WASL: variants seen among roughly 807,000 people sequenced by gnomAD.
WASL encodes actin nucleation-promoting factor WASL.
WASL carries 20 observed loss-of-function variants against 55.5 expected under a neutral mutation model. The observed-to-expected ratio is 0.36, with a 90% CI of 0.25 to 0.52. The LOEUF (loss-of-function observed/expected upper bound fraction) is 0.52. WASL is among the 20% of genes least tolerant of loss of function. The pLI is 0.92. For synonymous variants in WASL, 249 were observed against 217.6 expected (o/e 1.14, Z -1.27); for missense variants, 504 against 622.5 (o/e 0.81, Z 2.03).
chr7:123,738,099 AATTGAACAATAAG>A (rs1235564906), intron 1 of WASL, among the ~76,000 whole-genome samples: 4 of 152,168 alleles, frequency 2.6e-5, no homozygotes, highest in African/African-American at 9.7e-5. Flanking sequence ...AAAAACTATG[AATTGAACAATAAG>A]ATGTTTTCAC....
chr7:123,726,126 A>G (rs545929296), intron 1 of WASL, among the ~76,000 whole-genome samples: 2 of 152,226 alleles, frequency 1.3e-5, no homozygotes, highest in Admixed American at 1.3e-4. Flanking sequence ...AATTACAATC[A>G]TATCAATAAT....
At chr7:123,707,603 G>C (rs549299206) in intron 2 of WASL, among the ~76,000 whole-genome samples, 1 of 152,268 alleles carries the variant, frequency 6.6e-6, no homozygotes, top group East Asian at 1.9e-4. Flanking sequence ...GTTCTACCTA[G>C]ACCACAATTT....
At chr7:123,724,458 T>C (rs2116808131) in intron 1 of WASL, among the ~76,000 whole-genome samples, 1 of 152,312 alleles carries the variant, frequency 6.6e-6, no homozygotes, top group African/African-American at 2.4e-5. Context: ...CTTTCTGTAT[T>C]CTCATAATAT....
chr7:123,742,702 C>G (rs1804364391), intron 1 of WASL, among the ~76,000 whole-genome samples: 1 of 152,106 alleles, frequency 6.6e-6, no homozygotes, highest in Admixed American at 6.5e-5. Context: ...TCTAAGTTAG[C>G]TAAGAGTTGG....
At chr7:123,731,952 A>G (rs988402701) in intron 1 of WASL, among the ~76,000 whole-genome samples, 5 of 152,290 alleles carry the variant, frequency 3.3e-5, no homozygotes, top group Non-Finnish European at 7.3e-5. Context: ...ATCAACAGAG[A>G]AATGAAAGTC....
At chr7:123,716,984 C>T (rs1803854895) in intron 1 of WASL, among the ~76,000 whole-genome samples, 1 of 152,152 alleles carries the variant, frequency 6.6e-6, no homozygotes, top group African/African-American at 2.4e-5. Context: ...ACTACATAAT[C>T]AGTGATTCAT....
intron 1 of WASL, among the ~76,000 whole-genome samples, chr7:123,722,454 C>A (rs1160997015): frequency 1.3e-5 from 2 of 152,170 alleles, no homozygotes; most frequent in Non-Finnish European, 2.9e-5. Context: ...TTATCTTAAT[C>A]ATCTTAGATG....
chr7:123,731,741 A>G (rs758153006), intron 1 of WASL, among the ~76,000 whole-genome samples: 1 of 152,180 alleles, frequency 6.6e-6, no homozygotes, highest in Non-Finnish European at 1.5e-5. Flanking sequence ...TCTAAACTAA[A>G]TGAAGATGAA....
At position 123,689,135 on chromosome 7, in the gene WASL, C is replaced by T; in HGVS notation, c.1363G>A (p.Glu455Lys). The change falls in exon 10 of 11, where the codon GAG becomes AAG. Residue 455 changes from glutamate to lysine, a missense_variant. Transcript: ENST00000223023. ...IQLKSVADGQESTPPTPAPTS... is the reference protein window; with the variant it reads ...IQLKSVADGQKSTPPTPAPTS... ...GGTGCAGGTGTTGGTGGTGTAGACT[C>T]TTGGCCATCAGCCACCTTGGAAAAG... 1 of 1,612,766 alleles carries T rather than the reference C, an allele frequency of 6.2e-7. No homozygotes were observed. The highest frequency in any genetic ancestry group is 1.1e-5 in the South Asian group (1 of 90,948).
intron 1 of WASL, among the ~76,000 whole-genome samples, chr7:123,745,003 T>C (rs1329425063): frequency 1.3e-5 from 2 of 152,216 alleles, no homozygotes; most frequent in African/African-American, 2.4e-5. Context: ...GATTTACTGA[T>C]GATCTGCCTC....
chr7:123,701,343 A>T (rs190567035), intron 5 of WASL, among the ~76,000 whole-genome samples: 67 of 152,328 alleles, frequency 4.4e-4, no homozygotes, highest in Non-Finnish European at 8.4e-4. Flanking sequence ...AGACATGTCT[A>T]GTTAATTTTA....
chr7:123,714,683 G>A (rs572517940), intron 1 of WASL, among the ~76,000 whole-genome samples: 1 of 152,220 alleles, frequency 6.6e-6, no homozygotes, highest in East Asian at 1.9e-4. Flanking sequence ...GGACAAGAAT[G>A]AAAATGAGGG....
intron 1 of WASL, among the ~76,000 whole-genome samples, chr7:123,737,596 C>CAAACA (rs1804258956): frequency 1.4e-5 from 1 of 72,818 alleles, no homozygotes; most frequent in East Asian, 4.0e-4. Flanking sequence ...CTCCGTCTCC[C>CAAACA]AAAAAAAAAA....
At position 123,692,768 on chromosome 7, in the gene WASL, G is replaced by A. The variant is rs1390551138; in HGVS notation, c.926C>T (p.Ala309Val). The change falls in exon 9 of 11, where the codon GCT becomes GTT. Residue 309 changes from alanine (A) to valine (V), a missense_variant. Physicochemically the swap from Ala to Val is moderately conservative, Grantham distance 64. Around this residue, in one of 5 missense-constraint regions of WASL, gnomAD observed 201 missense variants for 206.2 expected, o/e 0.97. Coordinates refer to ENST00000223023, the MANE Select transcript of WASL (RefSeq NM_003941.4). ...PPPPPARGRG[A>V]PPPPPSRAPT... ...AGCTCTTGAAGGTGGTGGGGGAGGA[G>A]CGCCTCTTCCCCTAGCAGGAGGAGG... 2.9e-5 allele frequency: 43 copies of A among 1,485,620 alleles called. No homozygotes were observed. The highest frequency in any genetic ancestry group is 3.8e-5 in the Non-Finnish European group (43 of 1,118,966). The allele number at this position is 1,485,620 out of a possible 1,614,324, so 92.0% of individuals were successfully genotyped here.
rs1435364207 is a variant in WASL, at chr7:123,685,264, A to G, written c.1457-684T>C. On this transcript the variant is annotated intron_variant, in intron 10 of 10. Coordinates refer to ENST00000223023, the MANE Select transcript of WASL (RefSeq NM_003941.4). ...GTGGCTACCACTGCTATTTGAATGA[A>G]ATCTGATGCTACCTCCCTCCATAAG... Among the ~76,000 whole-genome samples the G allele has an allele frequency of 2.0e-5, 3 of 151,828 alleles. No homozygotes were observed. In the East Asian group the frequency reaches 5.8e-4, roughly 29 times the overall value.
At chr7:123,737,353 T>C (rs1452468601) in intron 1 of WASL, among the ~76,000 whole-genome samples, 1 of 152,010 alleles carries the variant, frequency 6.6e-6, no homozygotes, top group Non-Finnish European at 1.5e-5. Context: ...ATCCCAGCAC[T>C]CTGGGAGGCT....
Position 123,694,950 on chromosome 7 carries a change from G to A in WASL, c.673-82C>T, listed in dbSNP as rs998061894. The A allele has an allele frequency of 3.5e-6, 5 of 1,440,240 alleles. No individual in the cohort carries two copies. In the African/African-American group the frequency reaches 4.3e-5, roughly 13 times the overall value. 89.2% of individuals were successfully genotyped at this position (1,440,240 alleles called of 1,614,324 possible). A position where few individuals can be genotyped will look rare whatever the true frequency, so the allele number is the denominator to read the frequency against. On this transcript the variant is annotated intron_variant, in intron 7 of 10. Transcript: ENST00000223023. ...TTTTAAGTCTCATCTGTGTCCTTCT[G>A]AAATTATTTTGCCTAAACTTTTAAC...
At chr7:123,720,326 T>C (rs1462406604) in intron 1 of WASL, 8 of 403,374 alleles carry the variant, frequency 2.0e-5, no homozygotes, top group Non-Finnish European at 3.8e-5. Context: ...GCTATACAAA[T>C]AGGATACCAT....
rs567352603 is a variant in WASL at position 123,723,741 on chromosome 7, T to C, written c.118-14518A>G. On this transcript the variant is annotated intron_variant, in intron 1 of 10. Coordinates refer to ENST00000223023, the MANE Select transcript of WASL (RefSeq NM_003941.4). ...AGTTCAGAAAAGTTCCAATAACTCC[T>C]GCTGTTTTTCTCAGAGCTTCCCAGC... is the stretch of plus-strand genomic sequence containing the variant. Among the ~76,000 whole-genome samples the C allele has an allele frequency of 2.0e-5, 3 of 152,346 alleles. No homozygotes were observed. The South Asian group carries it at 6.2e-4, about 32-fold the overall frequency.
Sources: gnomAD v4.1 joint callset for allele counts (sites outside exome capture counted in the v4.1 genomes callset) on GRCh38, gnomAD v4.1.1 for gene constraint, gnomAD v4.1.1 regional missense constraint, MANE v1.5 for transcripts, NCBI Gene and HGNC (gene_info 2026-07-23, HGNC 2026-07-21) for gene names.